BTBD1: variants seen among roughly 807,000 people sequenced by gnomAD.
The protein encoded by BTBD1 is BTB/POZ domain-containing protein 1.
In BTBD1, 34 loss-of-function variants were observed where a neutral mutation model predicts 48.0. That is an observed-to-expected ratio of 0.71 (90% CI 0.54 to 0.94). BTBD1 has a LOEUF of 0.94. Among genes scored for constraint, BTBD1 ranks in the 40% least tolerant of loss-of-function variants. The pLI is 0.00. For synonymous variants in BTBD1, 261 were observed against 242.1 expected, an observed-to-expected ratio of 1.08 and a Z score of -0.72; for missense variants, 543 against 625.6, an observed-to-expected ratio of 0.87 and a Z score of 1.41.
chr15:83,018,885 G>C, intron 6 of BTBD1, 32 bp from the exon 7 acceptor site: 1 of 1,580,518 alleles, frequency 6.3e-7, no homozygotes, highest in Non-Finnish European at 8.7e-7. Flanking sequence ...TTACATTTAA[G>C]TTAAACCAAA....
Position 83,066,066 on chromosome 15 carries a change from C to T in BTBD1, c.401+685G>A, listed in dbSNP as rs2033262904. Among the ~76,000 whole-genome samples, 4 of 152,162 alleles carry T rather than the reference C, an allele frequency of 2.6e-5. No individual in the cohort carries two copies. The South Asian group carries it at 8.3e-4, about 32-fold the overall frequency. ...CAGCACTTTGGGAGGCCGAGGTGGA[C>T]GGATCGCTTGACCCCAGGAGTCCGA... On this transcript the variant is annotated intron_variant, in intron 1 of 7. Coordinates refer to ENST00000261721, the MANE Select transcript of BTBD1 (RefSeq NM_025238.4).
At chr15:83,026,875 C>G (rs2032419265) in intron 5 of BTBD1, among the ~76,000 whole-genome samples, 2 of 152,036 alleles carry the variant, frequency 1.3e-5, no homozygotes, top group Non-Finnish European at 2.9e-5. Flanking sequence ...ACCATATAAA[C>G]AGAAGGAATA....
At chr15:83,056,863 A>C (rs150985160) in intron 1 of BTBD1, among the ~76,000 whole-genome samples, 1 of 151,884 alleles carries the variant, frequency 6.6e-6, no homozygotes, top group Non-Finnish European at 1.5e-5. Context: ...ACACCTGGCT[A>C]ATTTTTTATT....
chr15:83,056,358 A>C (rs761743530), intron 2 of BTBD1, 31 bp downstream of exon 2: 2 of 1,541,798 alleles, frequency 1.3e-6, no homozygotes, highest in African/African-American at 1.4e-5. Context: ...TTAAAACTAC[A>C]ATGATACATA....
At chr15:83,052,295 G>C (rs1026423088) in intron 2 of BTBD1, among the ~76,000 whole-genome samples, 1 of 152,088 alleles carries the variant, frequency 6.6e-6, no homozygotes, top group Non-Finnish European at 1.5e-5. Context: ...GTGCAGGCTG[G>C]TCTCCAACTT....
At chr15:83,059,992 A>G (rs1490094044) in intron 1 of BTBD1, among the ~76,000 whole-genome samples, 1 of 152,222 alleles carries the variant, frequency 6.6e-6, no homozygotes, top group Non-Finnish European at 1.5e-5. Context: ...GGTGCACTGC[A>G]AATTAAAAAT....
At chr15:83,041,688 A>G in intron 4 of BTBD1, 40 bp downstream of exon 4, 3 of 1,591,456 alleles carry the variant, frequency 1.9e-6, no homozygotes, top group East Asian at 2.2e-5. Flanking sequence ...CAGACTATTA[A>G]AACAGTTTCA....
At chr15:83,044,121 T>G (rs916858951) in intron 3 of BTBD1, among the ~76,000 whole-genome samples, 15 of 151,340 alleles carry the variant, frequency 9.9e-5, no homozygotes, top group Admixed American at 2.0e-4. Context: ...TCTTATAGAG[T>G]TTTTTAAAAA....
At chr15:83,026,479 C>T (rs1404489834) in intron 5 of BTBD1, among the ~76,000 whole-genome samples, 1 of 150,574 alleles carries the variant, frequency 6.6e-6, no homozygotes. Context: ...AAGCCTTGAA[C>T]CTCATTCCAT....
chr15:83,036,768 GA>G lies in BTBD1; in HGVS notation c.862+4959del, dbSNP rs569408063. ...TACTGCCACACTCAACCACATGGAT[GA>G]ATCTAACAGGCGTAATGTTAAGAGA... On this transcript the variant is annotated intron_variant, in intron 4 of 7. Transcript: ENST00000261721. Among the ~76,000 whole-genome samples, 259 of 152,258 alleles carry G rather than the reference GA, an allele frequency of 1.7e-3. 2 individuals are homozygous for G. The highest frequency in any genetic ancestry group is 6.0e-3 in the African/African-American group (248 of 41,546).
intron 4 of BTBD1, among the ~76,000 whole-genome samples, chr15:83,035,827 T>G (rs186929556): frequency 6.6e-6 from 1 of 151,436 alleles, no homozygotes; most frequent in African/African-American, 2.4e-5. Context: ...TCTTGAACAC[T>G]GGGGGAAAAA....
intron 3 of BTBD1, 146 bp downstream of exon 3, chr15:83,049,927 C>A: frequency 2.0e-6 from 1 of 496,664 alleles, no homozygotes; most frequent in Non-Finnish European, 3.6e-6. Flanking sequence ...ATATTTTCAC[C>A]AAAACAAAAA....
At chr15:83,043,432 C>G (rs2032807708) in intron 3 of BTBD1, among the ~76,000 whole-genome samples, 1 of 152,084 alleles carries the variant, frequency 6.6e-6, no homozygotes. Context: ...GGCTTTTACT[C>G]TAAGTGACAT....
intron 4 of BTBD1, among the ~76,000 whole-genome samples, chr15:83,034,088 A>C (rs1417306412): frequency 7.2e-6 from 1 of 138,006 alleles, no homozygotes; most frequent in Non-Finnish European, 1.6e-5. Context: ...CACTGTCTAC[A>C]CCAAAAAAAA....
intron 1 of BTBD1, among the ~76,000 whole-genome samples, chr15:83,066,299 C>G (rs772783353): frequency 3.3e-5 from 5 of 151,548 alleles, no homozygotes; most frequent in Non-Finnish European, 5.9e-5. Context: ...GACCTTGTCT[C>G]AAAAAAAGCG....
intron 3 of BTBD1, among the ~76,000 whole-genome samples, chr15:83,042,346 T>TTTTTTATATA (rs1491182292): frequency 3.2e-4 from 20 of 62,772 alleles, no homozygotes; most frequent in Non-Finnish European, 5.5e-4. Context: ...TATTAGGCAA[T>TTTTTTATATA]TTTATATATA....
chr15:83,049,663 G>A (rs1475126138), intron 3 of BTBD1, among the ~76,000 whole-genome samples: 1 of 152,006 alleles, frequency 6.6e-6, no homozygotes, highest in East Asian at 1.9e-4. Flanking sequence ...TGTCATCGGG[G>A]TTTGCTGTAC....
rs1263585516 is a variant in BTBD1 at position 83,017,136 on chromosome 15, G to GT, written c.*930dup. 6.6e-6 allele frequency: 1 copy of GT among 152,646 alleles called. No individual in the cohort carries two copies. The highest frequency in any genetic ancestry group is 1.5e-5 in the Non-Finnish European group (1 of 68,034). The allele number at this position is 152,646 out of a possible 1,614,324, so 9.5% of individuals were successfully genotyped here. On this transcript the variant is annotated 3_prime_UTR_variant, in exon 8 of 8. Coordinates refer to ENST00000261721, the MANE Select transcript of BTBD1 (RefSeq NM_025238.4). ...TAGAAATGTGTAGGTGGCAGAAAGC[G>GT]TATTTTTCAGCAGGAGTGATTCTGT...
At chr15:83,029,887 C>T (rs1047815783) in intron 5 of BTBD1, 7 of 452,858 alleles carry the variant, frequency 1.5e-5, no homozygotes, top group African/African-American at 1.2e-4. Context: ...AAAAAAATCA[C>T]GTAACAGAAG....
Sources: gnomAD v4.1 joint callset for allele counts (sites outside exome capture counted in the v4.1 genomes callset) on GRCh38, gnomAD v4.1.1 for gene constraint, MANE v1.5 for transcripts, NCBI Gene and HGNC (gene_info 2026-07-23, HGNC 2026-07-21) for gene names.